Variants in TMEM248 observed in about 807,000 individuals in gnomAD.
TMEM248 encodes transmembrane protein 248.
Under a neutral mutation model 30.3 loss-of-function variants are expected in TMEM248, and 9 were observed. The ratio of observed to expected loss-of-function variants is 0.30; its 90% CI spans 0.18 to 0.52. The LOEUF (loss-of-function observed/expected upper bound fraction) is 0.52. Among genes scored for constraint, TMEM248 ranks in the 20% least tolerant of loss-of-function variants. TMEM248 has a pLI of 0.97. For synonymous variants in TMEM248, 184 were observed against 154.4 expected, an observed-to-expected ratio of 1.19 and a Z score of -1.42; for missense variants, 338 against 403.3, an observed-to-expected ratio of 0.84 and a Z score of 1.39.
intron 1 of TMEM248, among the ~76,000 whole-genome samples, chr7:66,941,477 C>G (rs1791951917): frequency 6.6e-6 from 1 of 151,556 alleles, no homozygotes; most frequent in Non-Finnish European, 1.5e-5. Flanking sequence ...ATAGCTTAAG[C>G]CTAGGAGTTC....
chr7:66,944,888 G>A (rs1442634144), intron 2 of TMEM248, 88 bp from the exon 3 acceptor site: 15 of 1,389,572 alleles, frequency 1.1e-5, no homozygotes, highest in Middle Eastern at 1.8e-4. Context: ...GATGTGCTGC[G>A]GTGCCACACT....
intron 1 of TMEM248, among the ~76,000 whole-genome samples, chr7:66,923,756 C>T (rs1791450593): frequency 2.0e-5 from 3 of 152,334 alleles, no homozygotes; most frequent in East Asian, 3.9e-4. Context: ...TCGGCAACCT[C>T]TGCCTTCTGG....
intron 1 of TMEM248, among the ~76,000 whole-genome samples, chr7:66,939,536 A>G (rs537042741): frequency 5.8e-4 from 88 of 152,334 alleles, no homozygotes; most frequent in Non-Finnish European, 1.0e-3. Context: ...ACTTTTTAAA[A>G]AATTGCTTTT....
intron 1 of TMEM248, among the ~76,000 whole-genome samples, chr7:66,926,361 T>C (rs768269023): frequency 6.6e-6 from 1 of 152,214 alleles, no homozygotes; most frequent in Admixed American, 6.5e-5. Context: ...GGCTTACGCC[T>C]GTAATGCCAG....
intron 1 of TMEM248, among the ~76,000 whole-genome samples, chr7:66,931,792 CTTTTTTTTTTTTT>C (rs1156882038): frequency 6.8e-5 from 6 of 88,458 alleles, no homozygotes; most frequent in South Asian, 6.9e-4. Context: ...GGCCTTCCTC[CTTTTTTTTTTTTT>C]TTTTTTTTTT....
intron 5 of TMEM248, 152 bp from the exon 6 acceptor site, chr7:66,953,074 A>G (rs1792310593): frequency 1.3e-6 from 1 of 796,632 alleles, no homozygotes; most frequent in Non-Finnish European, 2.0e-6. Context: ...TTGGTCATTT[A>G]GGAGGCAAAA....
At chr7:66,949,027 G>A (rs763732497) in intron 4 of TMEM248, among the ~76,000 whole-genome samples, 3 of 152,048 alleles carry the variant, frequency 2.0e-5, no homozygotes, top group Non-Finnish European at 4.4e-5. Context: ...GTGGCCGGGT[G>A]CCGTGGCTCA....
At chr7:66,922,542 A>C (rs931962748) in intron 1 of TMEM248, among the ~76,000 whole-genome samples, 7 of 152,060 alleles carry the variant, frequency 4.6e-5, no homozygotes, top group Admixed American at 6.6e-5. Context: ...TGGAGTTTCA[A>C]CTTGTAGTGA....
rs757651587 is a variant in TMEM248, at chr7:66,945,045, C to CTTT, written c.229_230insTTT (p.His77delinsLeuTyr). On this transcript the variant is annotated protein_altering_variant, in exon 3 of 7. Coordinates refer to ENST00000341567, the MANE Select transcript of TMEM248 (RefSeq NM_017994.5). ...TGTATCAGAGAATGAAACCCTCAAG[C>CTTT]ATCTCACAAACGACACCACAACTCC... The CTTT allele has an allele frequency of 6.2e-7, 1 of 1,614,220 alleles. No individual in the cohort carries two copies. Among genetic ancestry groups the CTTT allele is most frequent in the South Asian group, 1.1e-5 (1 of 91,084 alleles).
rs150491765 is a variant in TMEM248, at chr7:66,940,517, C to T, written c.-18-1331C>T. 1.6e-3 allele frequency among the ~76,000 whole-genome samples: 242 copies of T among 152,346 alleles called. 1 individual carries two copies. Among genetic ancestry groups the T allele is most frequent in the African/African-American group, 5.4e-3 (224 of 41,578 alleles). On this transcript the variant is annotated intron_variant, in intron 1 of 6. Transcript: ENST00000341567. Reference sequence around the variant, plus strand: ...GTTAAGAGAGCAGCACTCCCCAAAGCGATCCACAGATTCAGTGCAGTCCCT... The same window carrying T: ...GTTAAGAGAGCAGCACTCCCCAAAGTGATCCACAGATTCAGTGCAGTCCCT...
intron 1 of TMEM248, among the ~76,000 whole-genome samples, chr7:66,935,750 G>T (rs1791785436): frequency 6.6e-6 from 1 of 151,796 alleles, no homozygotes; most frequent in Admixed American, 6.6e-5. Flanking sequence ...CACCGTGTTG[G>T]CCAGGCTGGT....
At chr7:66,936,346 T>C (rs1324066354) in intron 1 of TMEM248, among the ~76,000 whole-genome samples, 2 of 152,228 alleles carry the variant, frequency 1.3e-5, no homozygotes, top group Admixed American at 6.5e-5. Context: ...TCTGCTGATA[T>C]GATGTATCGC....
chr7:66,949,543 G>A (rs933435025), intron 4 of TMEM248, among the ~76,000 whole-genome samples: 11 of 152,190 alleles, frequency 7.2e-5, no homozygotes, highest in East Asian at 1.9e-4. Context: ...TTTTAAAATC[G>A]TTGATTTTAG....
chr7:66,946,579 CAA>C (rs548390208), intron 3 of TMEM248, among the ~76,000 whole-genome samples: 2 of 119,854 alleles, frequency 1.7e-5, no homozygotes, highest in Admixed American at 8.6e-5. Context: ...GACTTCACCT[CAA>C]AAAAAAAAAA....
intron 1 of TMEM248, among the ~76,000 whole-genome samples, chr7:66,939,646 A>G (rs1487385284): frequency 6.6e-6 from 1 of 152,250 alleles, no homozygotes; most frequent in Non-Finnish European, 1.5e-5. Context: ...TGAACAAGAC[A>G]GGCAAAATCT....
intron 1 of TMEM248, among the ~76,000 whole-genome samples, chr7:66,933,845 G>A (rs1034360226): frequency 1.2e-4 from 18 of 152,164 alleles, no homozygotes; most frequent in African/African-American, 4.3e-4. Context: ...TTTCAGAGAG[G>A]CAGCTTCCCA....
chr7:66,929,278 C>T (rs1399907670), intron 1 of TMEM248, among the ~76,000 whole-genome samples: 1 of 152,068 alleles, frequency 6.6e-6, no homozygotes, highest in Non-Finnish European at 1.5e-5. Flanking sequence ...AGGGATCATA[C>T]ACAATAGGTG....
chr7:66,942,706 G>C (rs1411765956), intron 2 of TMEM248, among the ~76,000 whole-genome samples: 2 of 152,076 alleles, frequency 1.3e-5, no homozygotes, highest in African/African-American at 4.8e-5. Context: ...ACGTTGGCCA[G>C]GCTGGTCTCG....
intron 6 of TMEM248, 63 bp downstream of exon 6, chr7:66,953,432 A>G (rs777239485): frequency 6.4e-7 from 1 of 1,572,186 alleles, no homozygotes; most frequent in Non-Finnish European, 8.6e-7. Flanking sequence ...AGAAAGTCCC[A>G]GTTATCCTTA....
Sources: allele counts gnomAD v4.1 joint callset (sites outside exome capture counted in the v4.1 genomes callset), GRCh38; gene constraint gnomAD v4.1.1; transcripts MANE v1.5; gene names NCBI Gene and HGNC (gene_info 2026-07-23, HGNC 2026-07-21).